The following SMG6 variants were observed in gnomAD, a reference collection of about 807,000 sequenced individuals.
SMG6 encodes the protein SMG6 nonsense mediated mRNA decay factor.
A neutral mutation model predicts 142.2 loss-of-function variants in SMG6; 66 were observed. That is an observed-to-expected ratio of 0.46 (90% CI 0.38 to 0.57). SMG6 has a LOEUF of 0.57. SMG6 is among the 20% of genes least tolerant of loss of function. The pLI is 0.00. For missense variants in SMG6, 1,793 were observed against 1,832.0 expected (o/e 0.98, Z 0.39); for synonymous variants, 779 against 702.4 (o/e 1.11, Z -1.72).
At chr17:2,112,422 G>C (rs1351882138) in intron 13 of SMG6, among the ~76,000 whole-genome samples, 1 of 151,372 alleles carries the variant, frequency 6.6e-6, no homozygotes. Flanking sequence ...GCAGGAGAAT[G>C]GCATGAACCC....
chr17:2,294,305 G>A (rs912185398), intron 4 of SMG6, among the ~76,000 whole-genome samples: 2 of 152,134 alleles, frequency 1.3e-5, no homozygotes, highest in African/African-American at 4.8e-5. Context: ...AACTGATAAA[G>A]CACAAAGAGA....
At chr17:2,158,336 G>A (rs144641832) in intron 13 of SMG6, among the ~76,000 whole-genome samples, 1 of 151,950 alleles carries the variant, frequency 6.6e-6, no homozygotes, top group African/African-American at 2.4e-5. Flanking sequence ...AGAGAGGGGT[G>A]TATGCATGAG....
chr17:2,181,011 A>G (rs7212342), intron 12 of SMG6, among the ~76,000 whole-genome samples: 54,227 of 152,022 alleles, frequency 0.36, 10,385 homozygotes, highest in African/African-American at 0.5. Flanking sequence ...ATGAGCAGCA[A>G]CAAGGACTTT....
intron 9 of SMG6, among the ~76,000 whole-genome samples, chr17:2,244,278 T>C (rs2073879123): frequency 6.6e-6 from 1 of 152,186 alleles, no homozygotes; most frequent in Non-Finnish European, 1.5e-5. Flanking sequence ...GTGGACAGTA[T>C]TCTTCCCAAG....
chr17:2,172,813 G>C lies in SMG6; in HGVS notation c.3202C>G (p.Leu1068Val). ...WSTLADFCNI[L>V]TAVNQSEVPL... ...ACCTCAGACTGATTCACTGCAGTCAGTATGTTACAGAAATCAGCCAGCGTC... is the reference window on the plus strand; with the variant it reads ...ACCTCAGACTGATTCACTGCAGTCACTATGTTACAGAAATCAGCCAGCGTC... The change falls in exon 13 of 19, where the codon CTG becomes GTG. Residue 1068 changes from leucine (L) to valine (V), a missense_variant. Coordinates refer to ENST00000263073, the MANE Select transcript of SMG6 (RefSeq NM_017575.5). 6.2e-7 allele frequency: 1 copy of C among 1,614,186 alleles called. No homozygotes were observed.
Position 2,075,129 on chromosome 17 carries a change from A to G in SMG6, c.3682-6198T>C, listed in dbSNP as rs1446110283. ...GGCTCCCACCCTGTCTCCGACAGCC[A>G]GGAGCCAGGCCTGAGTGTCTGCCTT... On this transcript the variant is annotated intron_variant, in intron 15 of 18. Coordinates refer to ENST00000263073, the MANE Select transcript of SMG6 (RefSeq NM_017575.5). Among the ~76,000 whole-genome samples the G allele has an allele frequency of 2.6e-5, 4 of 152,190 alleles. No individual in the cohort carries two copies. The East Asian group carries it at 7.7e-4, about 29-fold the overall frequency.
chr17:2,231,767 T>C (rs893494606), intron 10 of SMG6, among the ~76,000 whole-genome samples: 1 of 138,450 alleles, frequency 7.2e-6, no homozygotes, highest in African/African-American at 2.7e-5. Flanking sequence ...TCTACCTTAA[T>C]CCCAGCTCCC....
intron 13 of SMG6, among the ~76,000 whole-genome samples, chr17:2,098,451 G>C (rs1260046961): frequency 6.6e-6 from 1 of 152,068 alleles, no homozygotes; most frequent in African/African-American, 2.4e-5. Flanking sequence ...ATTTACCATT[G>C]TGCTGCATGC....
intron 13 of SMG6, among the ~76,000 whole-genome samples, chr17:2,159,205 G>A (rs1334372243): frequency 6.6e-6 from 1 of 152,162 alleles, no homozygotes; most frequent in Non-Finnish European, 1.5e-5. Context: ...TGGATCATTT[G>A]AGGTCAGAAG....
intron 12 of SMG6, among the ~76,000 whole-genome samples, chr17:2,176,320 G>A (rs1004764580): frequency 1.3e-5 from 2 of 152,222 alleles, no homozygotes; most frequent in South Asian, 2.1e-4. Flanking sequence ...AGGTTGGCCA[G>A]GGCCAAGGAG....
At chr17:2,228,027 C>T (rs1021709315) in intron 10 of SMG6, among the ~76,000 whole-genome samples, 2 of 152,094 alleles carry the variant, frequency 1.3e-5, no homozygotes, top group East Asian at 3.8e-4. Flanking sequence ...AGCACGATAC[C>T]ATCTCTATGC....
intron 8 of SMG6, among the ~76,000 whole-genome samples, chr17:2,261,411 T>C (rs1478747631): frequency 6.6e-6 from 1 of 152,224 alleles, no homozygotes; most frequent in East Asian, 1.9e-4. Flanking sequence ...ATCACCTGTA[T>C]GGCTCTGTTA....
At chr17:2,248,938 G>C (rs1233755279) in intron 8 of SMG6, among the ~76,000 whole-genome samples, 2 of 151,712 alleles carry the variant, frequency 1.3e-5, no homozygotes, top group Non-Finnish European at 2.9e-5. Context: ...CCAGGCTGGA[G>C]TGCAGTGGCG....
intron 13 of SMG6, among the ~76,000 whole-genome samples, chr17:2,126,835 C>T (rs1310931253): frequency 6.6e-6 from 1 of 151,922 alleles, no homozygotes; most frequent in African/African-American, 2.4e-5. Context: ...GACGATCACT[C>T]GAGGCTGAGG....
intron 10 of SMG6, chr17:2,213,790 C>G (rs1250966327): frequency 1.3e-5 from 2 of 152,174 alleles, no homozygotes; most frequent in Admixed American, 1.3e-4. Flanking sequence ...CGGATCCCAC[C>G]CCACTCTGAT....
chr17:2,296,924 G>A (rs1053076306), intron 4 of SMG6, among the ~76,000 whole-genome samples: 2 of 151,714 alleles, frequency 1.3e-5, no homozygotes, highest in Non-Finnish European at 2.9e-5. Flanking sequence ...AAACCTGGGA[G>A]GCAGAGGTTG....
At chr17:2,246,551 C>T (rs2073931317) in intron 8 of SMG6, among the ~76,000 whole-genome samples, 3 of 152,240 alleles carry the variant, frequency 2.0e-5, no homozygotes, top group Admixed American at 2.0e-4. Context: ...AAATGAGTTA[C>T]ACTCATTTAA....
intron 16 of SMG6, among the ~76,000 whole-genome samples, chr17:2,066,260 G>A (rs542985553): frequency 1.6e-4 from 24 of 152,178 alleles, no homozygotes; most frequent in African/African-American, 4.1e-4. Flanking sequence ...GTGTGTGCGC[G>A]CACGTGTATG....
chr17:2,248,949 C>T (rs1344050131), intron 8 of SMG6, among the ~76,000 whole-genome samples: 2 of 150,214 alleles, frequency 1.3e-5, no homozygotes, highest in Non-Finnish European at 3.0e-5. Context: ...TGCAGTGGCG[C>T]TATCTCAGCT....
Sources: allele counts gnomAD v4.1 joint callset (sites outside exome capture counted in the v4.1 genomes callset), GRCh38; gene constraint gnomAD v4.1.1; transcripts MANE v1.5; gene names NCBI Gene and HGNC (gene_info 2026-07-23, HGNC 2026-07-21).